Variants in TAB2 observed in about 807,000 individuals in gnomAD.
The protein encoded by TAB2 is TGF-beta activated kinase 1 (MAP3K7) binding protein 2.
In TAB2, 3 loss-of-function variants were observed where a neutral mutation model predicts 65.0. The ratio of observed to expected loss-of-function variants is 0.05; its 90% CI spans 0.02 to 0.12. The LOEUF is 0.12. Among genes scored for constraint, TAB2 ranks in the 10% least tolerant of loss-of-function variants. The pLI is 1.00. For synonymous variants in TAB2, 298 were observed against 285.1 expected (o/e 1.05, Z -0.46); for missense variants, 623 against 840.3 (o/e 0.74, Z 3.20).
intron 2 of TAB2, among the ~76,000 whole-genome samples, chr6:149,374,701 T>C (rs1781343280): frequency 6.6e-6 from 1 of 152,232 alleles, no homozygotes; most frequent in African/African-American, 2.4e-5. Context: ...TGTGTCTCCT[T>C]GTATGATTTG....
At chr6:149,391,090 T>A (rs1208309232) in intron 3 of TAB2, among the ~76,000 whole-genome samples, 1 of 152,208 alleles carries the variant, frequency 6.6e-6, no homozygotes, top group African/African-American at 2.4e-5. Flanking sequence ...GGAGGTAAAT[T>A]CTCTTAAGTC....
chr6:149,367,743 CT>C (rs1449619411), intron 1 of TAB2, among the ~76,000 whole-genome samples: 1 of 152,006 alleles, frequency 6.6e-6, no homozygotes, highest in African/African-American at 2.4e-5. Context: ...ATTAAGAATA[CT>C]TTTTGTATAT....
chr6:149,393,574 A>G (rs1172642536), intron 3 of TAB2, among the ~76,000 whole-genome samples: 1 of 152,122 alleles, frequency 6.6e-6, no homozygotes, highest in Non-Finnish European at 1.5e-5. Context: ...TCTCCTACTA[A>G]TATTGGCCTT....
chr6:149,298,944 T>C (rs116033704), intron 1 of TAB2, among the ~76,000 whole-genome samples: 30 of 152,362 alleles, frequency 2.0e-4, no homozygotes, highest in African/African-American at 7.0e-4. Flanking sequence ...CTTCTGCTTA[T>C]GTTAATTTTG....
chr6:149,227,600 C>T lies in TAB2; in HGVS notation c.-121+8824C>T, dbSNP rs547449683. ...ATGTGATGTCACTCGGGGGTGAGGC[C>T]GGCTTGCCACTTGCCCACCCTTTCC... On this transcript the variant is annotated intron_variant, in intron 1 of 1. Transcript: ENST00000606202. 5.3e-5 allele frequency among the ~76,000 whole-genome samples: 8 copies of T among 152,288 alleles called. No homozygotes were observed. The East Asian group carries it at 1.2e-3, about 22-fold the overall frequency.
At chr6:149,391,522 C>T (rs1349315188) in intron 3 of TAB2, among the ~76,000 whole-genome samples, 2 of 151,900 alleles carry the variant, frequency 1.3e-5, no homozygotes, top group African/African-American at 2.4e-5. Context: ...GTATATTTCA[C>T]GTCTTTGTCT....
chr6:149,272,275 G>T (rs1177287673), intron 1 of TAB2, among the ~76,000 whole-genome samples: 1 of 152,178 alleles, frequency 6.6e-6, no homozygotes, highest in Non-Finnish European at 1.5e-5. Flanking sequence ...TTTCCCAGAT[G>T]ATTTCATTTC....
At chr6:149,272,909 G>A (rs2011315) in intron 1 of TAB2, among the ~76,000 whole-genome samples, 81,261 of 151,934 alleles carry the variant, frequency 0.53, 23,780 homozygotes, top group African/African-American at 0.78. Context: ...TGGAGCATGA[G>A]TCCTATTGTG....
chr6:149,352,297 A>G (rs1370502357), intron 1 of TAB2, among the ~76,000 whole-genome samples: 3 of 152,144 alleles, frequency 2.0e-5, no homozygotes, highest in Non-Finnish European at 4.4e-5. Context: ...ATGGTGATCC[A>G]TATGTGTTTA....
At chr6:149,223,900 A>T (rs1297433157) in intron 1 of TAB2, among the ~76,000 whole-genome samples, 1 of 152,006 alleles carries the variant, frequency 6.6e-6, no homozygotes, top group African/African-American at 2.4e-5. Context: ...CCTTTAGGAA[A>T]AGAAAAAAAA....
At chr6:149,301,918 T>C (rs1457486584) in intron 1 of TAB2, among the ~76,000 whole-genome samples, 3 of 152,236 alleles carry the variant, frequency 2.0e-5, no homozygotes, top group African/African-American at 7.2e-5. Flanking sequence ...TAAATTCTTA[T>C]ATCATTTAAT....
At chr6:149,323,191 C>A (rs1240284115) in intron 1 of TAB2, among the ~76,000 whole-genome samples, 1 of 152,046 alleles carries the variant, frequency 6.6e-6, no homozygotes, top group African/African-American at 2.4e-5. Flanking sequence ...ATTTTAAGCA[C>A]TGAATAAGAT....
chr6:149,327,138 T>A (rs951690911), intron 1 of TAB2, among the ~76,000 whole-genome samples: 1 of 152,210 alleles, frequency 6.6e-6, no homozygotes, highest in African/African-American at 2.4e-5. Context: ...ACATTCTTGA[T>A]ATCCTATGGA....
intron 6 of TAB2, among the ~76,000 whole-genome samples, chr6:149,400,033 G>C (rs1782319036): frequency 6.6e-6 from 1 of 152,178 alleles, no homozygotes; most frequent in African/African-American, 2.4e-5. Flanking sequence ...CGAATAACAA[G>C]ACAATAAGAG....
chr6:149,239,582 G>A (rs147414659), intron 1 of TAB2, among the ~76,000 whole-genome samples: 1 of 152,334 alleles, frequency 6.6e-6, no homozygotes, highest in East Asian at 1.9e-4. Context: ...GTGAGCTTAG[G>A]TACTGGCAAG....
chr6:149,228,298 A>G (rs1363266539), intron 1 of TAB2, among the ~76,000 whole-genome samples: 1 of 152,222 alleles, frequency 6.6e-6, no homozygotes, highest in African/African-American at 2.4e-5. Context: ...CAATGCGGCT[A>G]AGTGTTCTGG....
At chr6:149,287,493 T>TA (rs201156738) in intron 1 of TAB2, among the ~76,000 whole-genome samples, 2,039 of 150,776 alleles carry the variant, frequency 0.014, 16 homozygotes, top group African/African-American at 0.024. Context: ...TTTTTTTTTT[T>TA]AAAAAGAAAG....
intron 1 of TAB2, among the ~76,000 whole-genome samples, chr6:149,300,227 A>G (rs1778948285): frequency 6.6e-6 from 1 of 152,196 alleles, no homozygotes; most frequent in African/African-American, 2.4e-5. Flanking sequence ...TACATTGTTA[A>G]CAGTTATTCT....
At chr6:149,242,056 C>T (rs928938499) in intron 1 of TAB2, among the ~76,000 whole-genome samples, 1 of 152,142 alleles carries the variant, frequency 6.6e-6, no homozygotes, top group Non-Finnish European at 1.5e-5. Flanking sequence ...GCTCCAGCTT[C>T]CCATTAGGAA....
Sources: allele counts gnomAD v4.1 joint callset (sites outside exome capture counted in the v4.1 genomes callset), GRCh38; gene constraint gnomAD v4.1.1; transcripts MANE v1.5; gene names NCBI Gene and HGNC (gene_info 2026-07-23, HGNC 2026-07-21).